Variants in FOXP2 observed in about 807,000 individuals in gnomAD.
The protein encoded by FOXP2 is forkhead box protein P2.
A neutral mutation model predicts 115.8 loss-of-function variants in FOXP2; 12 were observed. The ratio of observed to expected loss-of-function variants is 0.10; its 90% confidence interval spans 0.07 to 0.17. The LOEUF (loss-of-function observed/expected upper bound fraction) is 0.17. Ranked by LOEUF, FOXP2 falls within the 10% of genes least tolerant of loss-of-function variation. The pLI is 1.00. For synonymous variants in FOXP2, 328 were observed against 297.7 expected, an observed-to-expected ratio of 1.10 and a Z score of -1.05; for missense variants, 629 against 843.5, an observed-to-expected ratio of 0.75 and a Z score of 3.15.
chr7:114,518,616 C>A (rs371722514), intron 2 of FOXP2, among the ~76,000 whole-genome samples: 1 of 152,088 alleles, frequency 6.6e-6, no homozygotes, highest in Non-Finnish European at 1.5e-5. Flanking sequence ...GATTCTCCTG[C>A]CTCAGTCTCC....
intron 3 of FOXP2, among the ~76,000 whole-genome samples, chr7:114,594,862 T>C (rs1265765763): frequency 6.6e-6 from 1 of 151,980 alleles, no homozygotes; most frequent in Non-Finnish European, 1.5e-5. Context: ...TACCTGAATA[T>C]ATATTTTTTT....
At chr7:114,435,878 C>T (rs1178491667) in intron 2 of FOXP2, among the ~76,000 whole-genome samples, 1 of 151,936 alleles carries the variant, frequency 6.6e-6, no homozygotes, top group Non-Finnish European at 1.5e-5. Context: ...TGTTAGATAG[C>T]CGTTAAAGAT....
intron 2 of FOXP2, among the ~76,000 whole-genome samples, chr7:114,359,159 A>G (rs1791686632): frequency 6.6e-6 from 1 of 152,158 alleles, no homozygotes; most frequent in Non-Finnish European, 1.5e-5. Context: ...CATGGGTAAA[A>G]GGGACCAATT....
At chr7:114,466,738 C>A (rs1351056314) in intron 2 of FOXP2, among the ~76,000 whole-genome samples, 1 of 152,070 alleles carries the variant, frequency 6.6e-6, no homozygotes, top group Non-Finnish European at 1.5e-5. Flanking sequence ...GGAATCGTTG[C>A]CAGATAATGT....
chr7:114,443,419 G>GT (rs894186408), intron 2 of FOXP2, among the ~76,000 whole-genome samples: 61 of 151,486 alleles, frequency 4.0e-4, no homozygotes, highest in African/African-American at 1.4e-3. Context: ...TTTCTGAACA[G>GT]TTTTTTTTTA....
intron 3 of FOXP2, among the ~76,000 whole-genome samples, chr7:114,563,271 A>G (rs1204516999): frequency 6.6e-6 from 1 of 152,188 alleles, no homozygotes; most frequent in Non-Finnish European, 1.5e-5. Context: ...ATTGAATATG[A>G]CTGACCACTT....
intron 6 of FOXP2, among the ~76,000 whole-genome samples, chr7:114,632,988 T>G (rs2129328868): frequency 6.6e-6 from 1 of 152,152 alleles, no homozygotes; most frequent in South Asian, 2.1e-4. Flanking sequence ...GTTTATAAAA[T>G]TATTTCAGTG....
chr7:114,421,256 T>C (rs1044157854), intron 1 of FOXP2, among the ~76,000 whole-genome samples: 1 of 151,654 alleles, frequency 6.6e-6, no homozygotes, highest in Non-Finnish European at 1.5e-5. Flanking sequence ...AAACTTATTT[T>C]ATTTTTTATC....
intron 2 of FOXP2, among the ~76,000 whole-genome samples, chr7:114,451,134 C>A (rs1441791572): frequency 3.3e-5 from 5 of 151,914 alleles, no homozygotes; most frequent in African/African-American, 1.2e-4. Flanking sequence ...CATTAATAAT[C>A]AAAAATTACC....
intron 1 of FOXP2, among the ~76,000 whole-genome samples, chr7:114,233,559 C>T (rs143099466): frequency 6.6e-6 from 1 of 152,326 alleles, no homozygotes; most frequent in East Asian, 1.9e-4. Flanking sequence ...AGCTGGGGCT[C>T]TGGGCTTCCT....
intron 1 of FOXP2, among the ~76,000 whole-genome samples, chr7:114,116,598 A>C (rs1562969179): frequency 6.6e-6 from 1 of 152,178 alleles, no homozygotes; most frequent in Non-Finnish European, 1.5e-5. Context: ...CAATTCAAGA[A>C]AATAGGGATA....
chr7:114,418,410 G>T (rs1196427704), intron 1 of FOXP2, among the ~76,000 whole-genome samples: 1 of 151,892 alleles, frequency 6.6e-6, no homozygotes, highest in African/African-American at 2.4e-5. Context: ...ACTTCGGCAA[G>T]ATTCTGTGGC....
intron 2 of FOXP2, among the ~76,000 whole-genome samples, chr7:114,296,410 G>A (rs1796742250): frequency 6.6e-6 from 1 of 152,012 alleles, no homozygotes; most frequent in Non-Finnish European, 1.5e-5. Flanking sequence ...CCCAAAGATA[G>A]TATTAATTTT....
Position 114,232,880 on chromosome 7 carries a change from T to A in FOXP2, c.-101-55139T>A, listed in dbSNP as rs1668331. Among the ~76,000 whole-genome samples the A allele has an allele frequency of 9.2e-5, 14 of 151,916 alleles. No homozygotes were observed. In the South Asian group the frequency reaches 2.9e-3, roughly 31 times the overall value. On this transcript the variant is annotated intron_variant, in intron 1 of 17. Coordinates refer to the FOXP2 transcript ENST00000634411. ...TTATATGCTATAACGTGAATGAAAT[T>A]TGAGATCATTATGCTAAATGAAATA...
At chr7:114,505,725 A>T (rs546158980) in intron 2 of FOXP2, among the ~76,000 whole-genome samples, 1 of 151,560 alleles carries the variant, frequency 6.6e-6, no homozygotes, top group Non-Finnish European at 1.5e-5. Context: ...ATATTCTATT[A>T]TGTGATCTAT....
At chr7:114,114,268 C>T (rs1369684722) in intron 1 of FOXP2, among the ~76,000 whole-genome samples, 4 of 149,924 alleles carry the variant, frequency 2.7e-5, no homozygotes, top group East Asian at 1.9e-4. Context: ...TGTGTATATA[C>T]ACACACACAC....
intron 2 of FOXP2, among the ~76,000 whole-genome samples, chr7:114,456,257 T>C (rs1795308508): frequency 6.6e-6 from 1 of 152,170 alleles, no homozygotes; most frequent in Admixed American, 6.5e-5. Context: ...GGGAAGATAA[T>C]GCTAGATCAC....
At chr7:114,184,533 G>A (rs1205708641) in intron 1 of FOXP2, among the ~76,000 whole-genome samples, 2 of 152,228 alleles carry the variant, frequency 1.3e-5, no homozygotes, top group Non-Finnish European at 2.9e-5. Flanking sequence ...ATTGTCACTC[G>A]GAAGCTGTTG....
At chr7:114,305,769 G>T (rs1006425268) in intron 2 of FOXP2, among the ~76,000 whole-genome samples, 3 of 152,040 alleles carry the variant, frequency 2.0e-5, no homozygotes, top group Non-Finnish European at 4.4e-5. Context: ...TCTGTGCCAG[G>T]TTTTCTAATC....
Sources: gnomAD v4.1 joint callset for allele counts (sites outside exome capture counted in the v4.1 genomes callset) on GRCh38, gnomAD v4.1.1 for gene constraint, MANE v1.5 for transcripts, NCBI Gene and HGNC (gene_info 2026-07-23, HGNC 2026-07-21) for gene names.